The following MAP4K4 variants were observed in gnomAD, a reference collection of about 807,000 sequenced individuals.
MAP4K4 encodes mitogen-activated protein kinase kinase kinase kinase 4.
In MAP4K4, 38 loss-of-function variants were observed where a neutral mutation model predicts 189.6. The ratio of observed to expected loss-of-function variants is 0.20; its 90% confidence interval spans 0.15 to 0.26. MAP4K4 has a LOEUF of 0.26. Among genes scored for constraint, MAP4K4 ranks in the 10% least tolerant of loss-of-function variants. The probability of loss-of-function intolerance (pLI) is 1.00; values close to 1 mark genes in which losing one functional copy is unlikely to be tolerated. For missense variants in MAP4K4, 1,054 were observed against 1,726.9 expected (o/e 0.61, Z 6.91); for synonymous variants, 610 against 624.3 (o/e 0.98, Z 0.34).
At chr2:101,866,216 A>G (rs1272911536) in intron 18 of MAP4K4, among the ~76,000 whole-genome samples, 3 of 152,248 alleles carry the variant, frequency 2.0e-5, no homozygotes, top group African/African-American at 7.2e-5. Context: ...ATGGTAGGAT[A>G]TCATTTAGCA....
At chr2:101,769,223 G>T (rs1022800241) in intron 2 of MAP4K4, among the ~76,000 whole-genome samples, 10 of 152,064 alleles carry the variant, frequency 6.6e-5, no homozygotes, top group African/African-American at 2.4e-4. Flanking sequence ...ATTTGTTCTT[G>T]TGTCATTATT....
chr2:101,784,513 A>C (rs1362038977), intron 2 of MAP4K4, among the ~76,000 whole-genome samples: 1 of 152,180 alleles, frequency 6.6e-6, no homozygotes, highest in African/African-American at 2.4e-5. Flanking sequence ...GATTAAACTC[A>C]GCAGATAAAA....
intron 3 of MAP4K4, among the ~76,000 whole-genome samples, chr2:101,817,783 C>T (rs1380325621): frequency 1.3e-5 from 2 of 152,110 alleles, no homozygotes; most frequent in African/African-American, 2.4e-5. Flanking sequence ...AAAGAGGATG[C>T]GTTGCGTTTT....
chr2:101,704,678 C>G (rs2041309959), intron 2 of MAP4K4, among the ~76,000 whole-genome samples: 2 of 146,434 alleles, frequency 1.4e-5, no homozygotes, highest in Non-Finnish European at 3.0e-5. Context: ...GTTCAAGCGA[C>G]TCTCCTGAGT....
chr2:101,713,357 G>A (rs1156943815), intron 2 of MAP4K4, among the ~76,000 whole-genome samples: 1 of 152,086 alleles, frequency 6.6e-6, no homozygotes, highest in African/African-American at 2.4e-5. Context: ...CACTTTGGGA[G>A]GCTTAGGTGG....
At chr2:101,891,423 A>C in exon 33 of MAP4K4, 2 of 567,888 alleles carry the variant, frequency 3.5e-6, no homozygotes, top group South Asian at 2.3e-5. Context: ...ATACCAGTTT[A>C]TCCCCATTCT....
intron 10 of MAP4K4, among the ~76,000 whole-genome samples, chr2:101,841,809 G>A (rs553000791): frequency 5.9e-5 from 9 of 152,250 alleles, no homozygotes; most frequent in Non-Finnish European, 1.0e-4. Flanking sequence ...AGAGGTGTGT[G>A]TGTCTAGACT....
At chr2:101,831,801 C>T in exon 7 of MAP4K4, 1 of 1,612,164 alleles carries the variant, frequency 6.2e-7, no homozygotes. Context: ...CTGGATGGCT[C>T]CTGAGGTCAT....
At chr2:101,706,962 T>C (rs1415601984) in intron 2 of MAP4K4, among the ~76,000 whole-genome samples, 1 of 152,106 alleles carries the variant, frequency 6.6e-6, no homozygotes, top group Non-Finnish European at 1.5e-5. Context: ...GGGTATGGAG[T>C]GATGTGAGGC....
intron 2 of MAP4K4, among the ~76,000 whole-genome samples, chr2:101,773,393 C>T (rs74877666): frequency 0.066 from 10,047 of 152,298 alleles, 414 homozygotes; most frequent in African/African-American, 0.12. Context: ...CCAGAGGCGA[C>T]CTGGGTTCCC....
chr2:101,869,053 C>G (rs1263998383), intron 21 of MAP4K4, among the ~76,000 whole-genome samples: 1 of 151,582 alleles, frequency 6.6e-6, no homozygotes, highest in Non-Finnish European at 1.5e-5. Flanking sequence ...AATATTAAAC[C>G]TAAAATGTTG....
intron 2 of MAP4K4, among the ~76,000 whole-genome samples, chr2:101,721,894 C>G (rs889862206): frequency 1.4e-4 from 22 of 152,314 alleles, no homozygotes; most frequent in African/African-American, 4.3e-4. Context: ...TGCAAATCCC[C>G]TAAACCCAAT....
intron 10 of MAP4K4, among the ~76,000 whole-genome samples, chr2:101,841,629 C>G (rs571961400): frequency 6.6e-6 from 1 of 152,014 alleles, no homozygotes; most frequent in Admixed American, 6.6e-5. Flanking sequence ...CCACCACACC[C>G]GGCTGGTTTT....
intron 2 of MAP4K4, among the ~76,000 whole-genome samples, chr2:101,710,881 T>C (rs555921618): frequency 3.3e-5 from 5 of 152,276 alleles, no homozygotes; most frequent in Non-Finnish European, 5.9e-5. Context: ...GTGTGTTCCA[T>C]TGATTATGGT....
intron 2 of MAP4K4, among the ~76,000 whole-genome samples, chr2:101,729,101 A>AGTGTGTGT (rs57635166): frequency 0.032 from 4,218 of 130,542 alleles, 86 homozygotes; most frequent in Middle Eastern, 0.057. Context: ...AGAGAGAGAG[A>AGTGTGTGT]GTGTGTGTGT....
chr2:101,883,612 T>C (rs1276402863), intron 28 of MAP4K4, among the ~76,000 whole-genome samples: 3 of 152,368 alleles, frequency 2.0e-5, no homozygotes, highest in South Asian at 2.1e-4. Context: ...AAAGATGTTA[T>C]AGTCTAACAG....
In MAP4K4 at chr2:101,850,633, A is replaced by G. The variant is rs140846428; in HGVS notation, c.1234-5344A>G. On this transcript the variant is annotated intron_variant, in intron 12 of 32. Coordinates refer to ENST00000324219, the Ensembl canonical transcript of MAP4K4. The stretch of plus-strand genomic sequence containing the variant: ...TCCAGCTTTAATACACACAGTAATC[A>G]TAGTGTCCTGGCATGCCAGTGCCCC... Among the ~76,000 whole-genome samples the G allele has an allele frequency of 4.1e-3, 623 of 152,338 alleles. 2 individuals are homozygous for G. The highest frequency in any genetic ancestry group is 7.2e-3 in the Admixed American group (110 of 15,306).
At chr2:101,891,874 G>A (rs1156787267) in exon 33 of MAP4K4, 1 of 151,434 alleles carries the variant, frequency 6.6e-6, no homozygotes, top group African/African-American at 2.4e-5. Context: ...GAGATGGGGT[G>A]GGGTGGGTTA....
rs550114548 is a variant in MAP4K4 at position 101,823,875 on chromosome 2, A to C, written c.181-53A>C. On this transcript the variant is annotated intron_variant, in intron 3 of 32. Coordinates refer to ENST00000324219, the Ensembl canonical transcript of MAP4K4. The stretch of plus-strand genomic sequence containing the variant: ...TATTGTATGTAGTGTGGGGGAAGTA[A>C]AGTCATTCACATCGTTCAGTAGCCA... 7 of 1,501,030 alleles carry C rather than the reference A, an allele frequency of 4.7e-6. No individual in the cohort carries two copies. In the African/African-American group the frequency reaches 6.9e-5, roughly 15 times the overall value. 93.0% of individuals were successfully genotyped at this position (1,501,030 alleles called of 1,614,324 possible).
Sources: allele counts gnomAD v4.1 joint callset (sites outside exome capture counted in the v4.1 genomes callset), GRCh38; gene constraint gnomAD v4.1.1; transcripts MANE v1.5; gene names NCBI Gene and HGNC (gene_info 2026-07-23, HGNC 2026-07-21).